Variants in TNIK observed in about 807,000 individuals in gnomAD.
TNIK encodes TRAF2 and NCK-interacting protein kinase.
Under a neutral mutation model 191.3 loss-of-function variants are expected in TNIK, and 49 were observed. The observed-to-expected ratio is 0.26, with a 90% CI of 0.20 to 0.32. The LOEUF (loss-of-function observed/expected upper bound fraction) is 0.32, where lower values mean the gene tolerates loss of function less well. TNIK is among the 10% of genes least tolerant of loss of function. The probability of loss-of-function intolerance (pLI) is 1.00; values close to 1 mark genes in which losing one functional copy is unlikely to be tolerated. For missense variants in TNIK, 1,155 were observed against 1,702.3 expected (o/e 0.68, Z 5.66); for synonymous variants, 594 against 600.9 (o/e 0.99, Z 0.17).
chr3:171,231,739 G>A (rs1184837159), intron 2 of TNIK, among the ~76,000 whole-genome samples: 1 of 152,102 alleles, frequency 6.6e-6, no homozygotes, highest in Admixed American at 6.6e-5. Context: ...GGAACCTGAG[G>A]CACAGTCATT....
intron 2 of TNIK, among the ~76,000 whole-genome samples, chr3:171,253,738 T>TCC (rs1746534124): frequency 6.7e-6 from 1 of 148,656 alleles, no homozygotes; most frequent in African/African-American, 2.5e-5. Context: ...TTCTCTACCC[T>TCC]CCCCAAGGGA....
intron 18 of TNIK, among the ~76,000 whole-genome samples, chr3:171,122,209 G>C (rs186181828): frequency 6.6e-6 from 1 of 152,294 alleles, no homozygotes; most frequent in African/African-American, 2.4e-5. Context: ...AATAATACTT[G>C]ATCTAAAGAA....
chr3:171,400,443 C>G (rs144010889), intron 1 of TNIK, among the ~76,000 whole-genome samples: 38 of 152,122 alleles, frequency 2.5e-4, no homozygotes, highest in Non-Finnish European at 5.4e-4. Flanking sequence ...GTAGTGCATT[C>G]CTGTAGTCCC....
chr3:171,234,575 C>T (rs972447731), intron 2 of TNIK, among the ~76,000 whole-genome samples: 3 of 152,174 alleles, frequency 2.0e-5, no homozygotes, highest in Non-Finnish European at 2.9e-5. Flanking sequence ...AAAGCTGAGA[C>T]TTGCTCACAG....
intron 21 of TNIK, among the ~76,000 whole-genome samples, chr3:171,104,078 G>T (rs79876935): frequency 0.021 from 12 of 564 alleles, no homozygotes; most frequent in East Asian, 0.062. Flanking sequence ...AAACTTAAAG[G>T]AAATTTTCAA....
At chr3:171,432,844 G>A (rs989975243) in intron 1 of TNIK, among the ~76,000 whole-genome samples, 1 of 152,108 alleles carries the variant, frequency 6.6e-6, no homozygotes, top group African/African-American at 2.4e-5. Flanking sequence ...AGCAGGAAAT[G>A]CCTAATTTCA....
intron 2 of TNIK, among the ~76,000 whole-genome samples, chr3:171,334,644 G>A (rs983631756): frequency 4.6e-5 from 7 of 151,962 alleles, no homozygotes; most frequent in Non-Finnish European, 1.0e-4. Flanking sequence ...CTAACCTCAG[G>A]CTGTGCCAAA....
In TNIK at chr3:171,450,121, G is replaced by T. The variant is rs1577980139; in HGVS notation, c.57+9886C>A. 2.0e-5 allele frequency among the ~76,000 whole-genome samples: 3 copies of T among 151,974 alleles called. No homozygotes were observed. In the South Asian group the frequency reaches 6.2e-4, roughly 32 times the overall value. On this transcript the variant is annotated intron_variant, in intron 1 of 32. Coordinates refer to ENST00000436636, the MANE Select transcript of TNIK (RefSeq NM_015028.4). ...TCACAGTCTGCATTTTTTGGGCCCT[G>T]GAGCCCCAGGAGTCTTCGTAGCTTC... is the stretch of plus-strand genomic sequence containing the variant.
chr3:171,166,180 G>A (rs1428256969), intron 10 of TNIK, among the ~76,000 whole-genome samples: 3 of 152,126 alleles, frequency 2.0e-5, no homozygotes, highest in Non-Finnish European at 4.4e-5. Context: ...TAATTGGAAT[G>A]CAAAGTTCAA....
intron 18 of TNIK, among the ~76,000 whole-genome samples, chr3:171,118,364 C>T (rs909414215): frequency 1.3e-5 from 2 of 152,134 alleles, no homozygotes; most frequent in African/African-American, 4.8e-5. Flanking sequence ...CCATACTGCC[C>T]AAGGTAATTT....
intron 1 of TNIK, among the ~76,000 whole-genome samples, chr3:171,428,443 C>T (rs373656434): frequency 5.3e-5 from 8 of 152,020 alleles, no homozygotes; most frequent in African/African-American, 1.9e-4. Flanking sequence ...TTATCTCTCC[C>T]CCACCACTGC....
intron 1 of TNIK, among the ~76,000 whole-genome samples, chr3:171,380,645 C>T (rs1360291278): frequency 6.6e-6 from 1 of 152,212 alleles, no homozygotes; most frequent in African/African-American, 2.4e-5. Flanking sequence ...TATGAGGCCC[C>T]CTTTACCAGC....
intron 2 of TNIK, among the ~76,000 whole-genome samples, chr3:171,278,854 A>G (rs894113950): frequency 6.6e-6 from 1 of 152,198 alleles, no homozygotes; most frequent in African/African-American, 2.4e-5. Flanking sequence ...TTCTCAGTGG[A>G]TATGAGATGT....
At chr3:171,442,147 T>C (rs550974951) in intron 1 of TNIK, among the ~76,000 whole-genome samples, 2 of 152,350 alleles carry the variant, frequency 1.3e-5, no homozygotes, top group Admixed American at 6.5e-5. Context: ...GACAAAATCC[T>C]GATTGTGAAT....
intron 2 of TNIK, among the ~76,000 whole-genome samples, chr3:171,291,404 A>G (rs993092475): frequency 3.9e-5 from 6 of 152,110 alleles, no homozygotes; most frequent in Non-Finnish European, 7.4e-5. Context: ...TTTCTTTAGC[A>G]TTTCTTGTAG....
intron 7 of TNIK, among the ~76,000 whole-genome samples, chr3:171,183,655 G>T (rs1282364054): frequency 6.6e-6 from 1 of 152,090 alleles, no homozygotes; most frequent in Non-Finnish European, 1.5e-5. Context: ...GGGTCCAGTG[G>T]CTCACGCTTG....
At position 171,294,200 on chromosome 3, in the gene TNIK, G is replaced by C. The variant is rs556486235; in HGVS notation, c.124-65979C>G. Among the ~76,000 whole-genome samples the C allele has an allele frequency of 2.7e-3, 406 of 152,208 alleles. 1 individual carries two copies. The highest frequency in any genetic ancestry group is 9.3e-3 in the African/African-American group (387 of 41,534). On this transcript the variant is annotated intron_variant, in intron 2 of 32. Coordinates refer to ENST00000436636, the MANE Select transcript of TNIK (RefSeq NM_015028.4). Reference sequence around the variant, plus strand: ...GCCGAGATGGCGCCACTGCACTCCAGCCTGGGTAACAGAGTGAGACTCTGT... The same window carrying C: ...GCCGAGATGGCGCCACTGCACTCCACCCTGGGTAACAGAGTGAGACTCTGT...
At chr3:171,260,632 G>C (rs1333168015) in intron 2 of TNIK, among the ~76,000 whole-genome samples, 2 of 152,166 alleles carry the variant, frequency 1.3e-5, no homozygotes, top group Admixed American at 6.6e-5. Context: ...AAAACAAGGG[G>C]TTTGAGCTCA....
At position 171,160,017 on chromosome 3, in the gene TNIK, G is replaced by A. The variant is rs77193292; in HGVS notation, c.1016+1253C>T. On this transcript the variant is annotated intron_variant, in intron 11 of 32. Transcript: ENST00000436636. ...AGAAAGTGGTCAGAAGGCTGACACA[G>A]TAACCTTTTGGGTAAGCTTTTGAAC... 2.6e-5 allele frequency among the ~76,000 whole-genome samples: 4 copies of A among 152,358 alleles called. No homozygotes were observed. In the East Asian group the frequency reaches 7.7e-4, roughly 29 times the overall value.
Sources: gnomAD v4.1 joint callset for allele counts (sites outside exome capture counted in the v4.1 genomes callset) on GRCh38, gnomAD v4.1.1 for gene constraint, MANE v1.5 for transcripts, NCBI Gene and HGNC (gene_info 2026-07-23, HGNC 2026-07-21) for gene names.